Variants in SOD2 observed in about 807,000 individuals in gnomAD.
SOD2 encodes the protein superoxide dismutase 2.
In SOD2, 11 loss-of-function variants were observed where a neutral mutation model predicts 27.0. The observed-to-expected ratio is 0.41, with a 90% CI of 0.26 to 0.67. The LOEUF is 0.67. Among genes scored for constraint, SOD2 ranks in the 30% least tolerant of loss-of-function variants. SOD2 has a pLI of 0.34. For missense variants in SOD2, 250 were observed against 274.5 expected (o/e 0.91, Z 0.63); for synonymous variants, 105 against 103.0 (o/e 1.02, Z -0.12).
chr6:159,710,375 G>C (rs1777710563), intron 1 of SOD2, among the ~76,000 whole-genome samples: 1 of 151,694 alleles, frequency 6.6e-6, no homozygotes, highest in Non-Finnish European at 1.5e-5. Context: ...ACTTGAACCT[G>C]GGAGGCAAAG....
At chr6:159,694,364 C>A (rs760355110), upstream of SOD2, among the ~76,000 whole-genome samples, 1 of 152,126 alleles carries the variant, frequency 6.6e-6, no homozygotes, top group Non-Finnish European at 1.5e-5. Flanking sequence ...GGTGCTGAAC[C>A]GTTTCCGTTG....
Position 159,671,755 on chromosome 6 carries a change from G to A in SOD2, c.*10738C>T, listed in dbSNP as rs558821249. Reference sequence around the variant, plus strand: ...AAGCTGGACGGAGAATGACTTTGACGAGTTGAGAGAAGAAGGCTTCAGATG... The same window carrying A: ...AAGCTGGACGGAGAATGACTTTGACAAGTTGAGAGAAGAAGGCTTCAGATG... On this transcript the variant is annotated 3_prime_UTR_variant, in exon 5 of 5. Coordinates refer to ENST00000538183, the MANE Select transcript of SOD2 (RefSeq NM_000636.4). 2.0e-5 allele frequency: 3 copies of A among 152,292 alleles called. No homozygotes were observed. The highest frequency in any genetic ancestry group is 6.5e-5 in the Admixed American group (1 of 15,302). 9.4% of individuals were successfully genotyped at this position (152,292 alleles called of 1,614,324 possible).
At chr6:159,752,046 A>G (rs1779839383) in intron 1 of SOD2, among the ~76,000 whole-genome samples, 1 of 150,582 alleles carries the variant, frequency 6.6e-6, no homozygotes, top group African/African-American at 2.4e-5. Context: ...CTGGCAACAC[A>G]GTGAGACCCC....
intron 1 of SOD2, chr6:159,753,687 A>G: frequency 6.6e-7 from 1 of 1,508,236 alleles, no homozygotes; most frequent in Non-Finnish European, 8.9e-7. Flanking sequence ...AGTCATGAAT[A>G]TTATAGGTTA....
At chr6:159,746,558 A>G (rs899301314), upstream of SOD2, among the ~76,000 whole-genome samples, 4 of 152,204 alleles carry the variant, frequency 2.6e-5, no homozygotes, top group Non-Finnish European at 5.9e-5. Flanking sequence ...CTTTGTCTAC[A>G]TGCAGTCTTT....
intron 1 of SOD2, among the ~76,000 whole-genome samples, chr6:159,758,350 T>A (rs892675117): frequency 6.6e-6 from 1 of 152,114 alleles, no homozygotes; most frequent in Non-Finnish European, 1.5e-5. Flanking sequence ...TGCCCCCTGA[T>A]TGGTGCCCCA....
At chr6:159,758,330 A>C (rs570494861) in intron 1 of SOD2, among the ~76,000 whole-genome samples, 1 of 151,796 alleles carries the variant, frequency 6.6e-6, no homozygotes, top group South Asian at 2.1e-4. Context: ...GGGAAGTCTA[A>C]AGATCACAGT....
chr6:159,746,534 A>G (rs1562463503), upstream of SOD2, among the ~76,000 whole-genome samples: 1 of 152,124 alleles, frequency 6.6e-6, no homozygotes, highest in Non-Finnish European at 1.5e-5. Context: ...TCTTTTAATA[A>G]TAATGCTTTA....
In SOD2 at chr6:159,676,224, T is replaced by A. The variant is rs1001276790; in HGVS notation, c.*6269A>T. 6.6e-6 allele frequency: 1 copy of A among 152,172 alleles called. No individual in the cohort carries two copies. The highest frequency in any genetic ancestry group is 1.5e-5 in the Non-Finnish European group (1 of 68,034). 9.4% of individuals were successfully genotyped at this position (152,172 alleles called of 1,614,324 possible). The stretch of plus-strand genomic sequence containing the variant: ...GGGATCTAGAACTAGAAATACCATT[T>A]GACCCAGCCATCCCATTACTGGGTA... On this transcript the variant is annotated 3_prime_UTR_variant, in exon 5 of 5. Transcript: ENST00000538183.
In SOD2 at chr6:159,682,423, T is replaced by C. The variant is rs1780000692; in HGVS notation, c.*70A>G. On this transcript the variant is annotated 3_prime_UTR_variant, in exon 5 of 5. Transcript: ENST00000538183. ...GCTACAATAGAGCAGCTTACTGTAT[T>C]CTGCAGTACTCTATACCACTACAAA... The C allele has an allele frequency of 7.7e-7, 1 of 1,305,292 alleles. No individual in the cohort carries two copies. The highest frequency in any genetic ancestry group is 1.5e-5 in the African/African-American group (1 of 66,838). 80.9% of individuals were successfully genotyped at this position (1,305,292 alleles called of 1,614,324 possible).
At chr6:159,728,326 C>T (rs922168201), upstream of SOD2, among the ~76,000 whole-genome samples, 1 of 151,918 alleles carries the variant, frequency 6.6e-6, no homozygotes, top group African/African-American at 2.4e-5. Flanking sequence ...AGCCCGAGTT[C>T]TTGTTTTGAT....
upstream of SOD2, chr6:159,727,384 C>CGGGAGGCGGGAGGG (rs1562446884): frequency 1.9e-6 from 1 of 517,780 alleles, no homozygotes; most frequent in Non-Finnish European, 2.7e-6. Context: ...TGGCGGGAGG[C>CGGGAGGCGGGAGGG]GGGAGGCGGG....
chr6:159,718,036 A>G (rs1777956626), intron 1 of SOD2, among the ~76,000 whole-genome samples: 1 of 151,524 alleles, frequency 6.6e-6, no homozygotes, highest in Non-Finnish European at 1.5e-5. Flanking sequence ...TCTGTCACCC[A>G]GGCTGGAATG....
rs1402516492 is a variant in SOD2 at position 159,708,481 on chromosome 6, A to T, written c.-115-15618T>A. 2.0e-5 allele frequency among the ~76,000 whole-genome samples: 3 copies of T among 152,248 alleles called. No individual in the cohort carries two copies. The East Asian group carries it at 5.8e-4, about 29-fold the overall frequency. On this transcript the variant is annotated intron_variant, in intron 1 of 2. Coordinates refer to the SOD2 transcript ENST00000401980. The stretch of plus-strand genomic sequence containing the variant: ...GCATTCTTATACATCAATAACAGAC[A>T]AACGGAGAACAAAATCATGAGTGAA...
upstream of SOD2, chr6:159,748,171 G>T (rs1779689939): frequency 8.7e-6 from 14 of 1,605,972 alleles, no homozygotes; most frequent in Non-Finnish European, 1.1e-5. This position sits in a 1 kb window ranked among gnomAD's most constrained non-coding sequence, Gnocchi z 5.6. Flanking sequence ...GGTCGTAATT[G>T]TTTCTTTTGC....
At chr6:159,693,052 C>A in intron 1 of SOD2, 93 bp downstream of exon 1, 1 of 1,494,150 alleles carries the variant, frequency 6.7e-7, no homozygotes, top group Non-Finnish European at 8.9e-7. Flanking sequence ...CCCGCCAGGC[C>A]CGGTGCGGCC....
Position 159,744,722 on chromosome 6 carries a change from C to A in SOD2, c.-116+408G>T, listed in dbSNP as rs532767314. Among the ~76,000 whole-genome samples the A allele has an allele frequency of 5.4e-5, 8 of 148,856 alleles. No homozygotes were observed. In the South Asian group the frequency reaches 1.5e-3, roughly 27 times the overall value. On this transcript the variant is annotated intron_variant, in intron 1 of 3. Transcript: ENST00000537657. ...TTTCTTTACTTTTTTTTCCCACTAACCCCCCCGCCCTTTTCTTGAGACAGG... is the reference window on the plus strand; with the variant it reads ...TTTCTTTACTTTTTTTTCCCACTAAACCCCCCGCCCTTTTCTTGAGACAGG...
chr6:159,682,631 A>C lies in SOD2; in HGVS notation c.531T>G (p.Ile177Met), dbSNP rs751648572. ...QDPLQGTTGL[I>M]PLLGIDVWEH... is the part of the protein sequence containing the mutation. ...CCCACACATCAATCCCCAGCAGTGG[A>C]ATAAGGCCTGTTAGAAAGAAGGGGA... Residue 177 changes from isoleucine to methionine, a missense_variant, in exon 5 of 5, where the codon ATT becomes ATG. Physicochemically the swap from Ile to Met is conservative, Grantham distance 10. Transcript: ENST00000538183. 2.5e-6 allele frequency: 4 copies of C among 1,608,268 alleles called. No homozygotes were observed. The South Asian group carries it at 3.3e-5, about 13-fold the overall frequency.
chr6:159,678,816 G>A lies in SOD2; in HGVS notation c.*3677C>T, dbSNP rs1264135821. 6.6e-6 allele frequency: 1 copy of A among 152,196 alleles called. No homozygotes were observed. Among genetic ancestry groups the A allele is most frequent in the Non-Finnish European group, 1.5e-5 (1 of 68,038 alleles). 9.4% of individuals were successfully genotyped at this position (152,196 alleles called of 1,614,324 possible). A position where few individuals can be genotyped will look rare whatever the true frequency, so the allele number is the denominator to read the frequency against. The stretch of plus-strand genomic sequence containing the variant: ...ATCTGACTCCAATTCCAGGTAGACA[G>A]TGTCAGAATTGAATTATAGGACATC... On this transcript the variant is annotated 3_prime_UTR_variant, in exon 5 of 5. Coordinates refer to ENST00000538183, the MANE Select transcript of SOD2 (RefSeq NM_000636.4).
Sources: gnomAD v4.1 joint callset for allele counts (sites outside exome capture counted in the v4.1 genomes callset) on GRCh38, gnomAD v4.1.1 for gene constraint, Gnocchi (gnomAD v3.1) non-coding constraint, MANE v1.5 for transcripts, NCBI Gene and HGNC (gene_info 2026-07-23, HGNC 2026-07-21) for gene names.